The following ANKRD26 variants were observed in gnomAD, a reference collection of about 807,000 sequenced individuals.
ANKRD26 encodes ankyrin repeat domain 26.
ANKRD26 carries 141 observed loss-of-function variants against 208.7 expected under a neutral mutation model. The observed-to-expected ratio is 0.68, with a 90% CI of 0.59 to 0.78. The LOEUF is 0.78. Among genes scored for constraint, ANKRD26 ranks in the 30% least tolerant of loss-of-function variants. The probability of loss-of-function intolerance (pLI) is 0.00; values close to 1 mark genes in which losing one functional copy is unlikely to be tolerated. For missense variants in ANKRD26, 1,889 were observed against 1,938.7 expected (o/e 0.97, Z 0.48); for synonymous variants, 636 against 660.4 (o/e 0.96, Z 0.57).
In ANKRD26 at chr10:27,005,584, T is replaced by C. The variant is rs372479083; in HGVS notation, c.*6A>G. 45 of 1,606,904 alleles carry C rather than the reference T, an allele frequency of 2.8e-5. No homozygotes were observed. In the African/African-American group the frequency reaches 5.1e-4, roughly 18 times the overall value. On this transcript the variant is annotated 3_prime_UTR_variant, in exon 34 of 34. Transcript: ENST00000376087. Reference sequence around the variant, plus strand: ...CATAAACAGCCCAGTAATAAAATCTTATCTTTCAGATCATATAATTTTTCT... The same window carrying C: ...CATAAACAGCCCAGTAATAAAATCTCATCTTTCAGATCATATAATTTTTCT...
chr10:27,066,244 T>TC, intron 11 of ANKRD26: 3 of 316,464 alleles, frequency 9.5e-6, no homozygotes, highest in Non-Finnish European at 1.7e-5. Context: ...CCTTTTCTTT[T>TC]CTTTTTTTTT....
the ANKRD26 span, among the ~76,000 whole-genome samples, chr10:26,963,707 T>C: frequency 0.094 from 14,358 of 152,064 alleles, 1,360 homozygotes; most frequent in East Asian, 0.48. Flanking sequence ...AAGTCCCTAA[T>C]ATAACAGGGC....
At chr10:27,027,377 T>G (rs1377439314) in intron 27 of ANKRD26, among the ~76,000 whole-genome samples, 1 of 152,208 alleles carries the variant, frequency 6.6e-6, no homozygotes, top group East Asian at 1.9e-4. Context: ...AAATTCAGAA[T>G]TGTAGATCAA....
intron 11 of ANKRD26, among the ~76,000 whole-genome samples, chr10:27,064,416 C>T (rs922225547): frequency 1.4e-4 from 22 of 152,236 alleles, no homozygotes; most frequent in Non-Finnish European, 3.2e-4. Flanking sequence ...ACTTTGTATT[C>T]CCCACCAAAA....
rs1026472195 is a variant in ANKRD26, at chr10:27,044,092, C to A, written c.2019+65G>T. The stretch of plus-strand genomic sequence containing the variant: ...TACAGGTGTGAGCCACTGTGCCCAG[C>A]CCACTTTATCTTTTATAATGTATTT... On this transcript the variant is annotated intron_variant, in intron 19 of 33. Coordinates refer to ENST00000376087, the MANE Select transcript of ANKRD26 (RefSeq NM_014915.3). The A allele has an allele frequency of 1.0e-5, 12 of 1,195,382 alleles. No homozygotes were observed. In the Admixed American group the frequency reaches 1.7e-4, roughly 17 times the overall value. 74.0% of individuals were successfully genotyped at this position (1,195,382 alleles called of 1,614,324 possible). A position where few individuals can be genotyped will look rare whatever the true frequency, so the allele number is the denominator to read the frequency against.
rs2054020298 is a variant in ANKRD26 at position 27,035,692 on chromosome 10, C to T, written c.2758G>A (p.Glu920Lys). ...LSHKNSMLQE[E>K]IAMLRLEIDT... ...ATTTCTAGTCTTAGCATAGCAATTT[C>T]TTCCTGCAACATGCTATTTTTATGC... Residue 920 changes from glutamate to lysine, a missense_variant, in exon 24 of 34, where the codon GAA becomes AAA. By Grantham distance (56) the Glu-to-Lys change is moderately conservative. Coordinates refer to ENST00000376087, the MANE Select transcript of ANKRD26 (RefSeq NM_014915.3). The T allele has an allele frequency of 6.2e-7, 1 of 1,602,932 alleles. No homozygotes were observed. The highest frequency in any genetic ancestry group is 8.5e-7 in the Non-Finnish European group (1 of 1,176,792).
chr10:26,966,091 A>G, the ANKRD26 span, among the ~76,000 whole-genome samples: 7 of 152,256 alleles, frequency 4.6e-5, no homozygotes, highest in African/African-American at 1.4e-4. Flanking sequence ...TCAAGGACAT[A>G]GAACCAGAAA....
chr10:26,951,183 A>G, the ANKRD26 span, among the ~76,000 whole-genome samples: 1 of 149,758 alleles, frequency 6.7e-6, no homozygotes, highest in African/African-American at 2.5e-5. Flanking sequence ...GCAGTGATTG[A>G]CAACCTCATA....
intron 3 of ANKRD26, 84 bp from the exon 4 acceptor site, chr10:27,092,596 A>G: frequency 1.0e-6 from 1 of 985,264 alleles, no homozygotes; most frequent in Non-Finnish European, 1.6e-6. Flanking sequence ...GATCCTTTGA[A>G]CTGAAACATA....
In ANKRD26 at chr10:27,014,487, GACTT is replaced by G. The variant is rs754816916; in HGVS notation, c.4724+3_4724+6del. Reference sequence around the variant, plus strand: ...TTTATTTCCTATGATTCTATATTTTGACTTACTTGGTTAGTTTACTTGACAAAGA... The same window carrying G: ...TTTATTTCCTATGATTCTATATTTTGACTTGGTTAGTTTACTTGACAAAGA... On this transcript the variant is annotated splice_donor_5th_base_variant and intron_variant, in intron 31 of 33. Transcript: ENST00000376087. 4 of 1,528,420 alleles carry G rather than the reference GACTT, an allele frequency of 2.6e-6. No individual in the cohort carries two copies. The highest frequency in any genetic ancestry group is 1.7e-5 in the Admixed American group (1 of 58,556). 94.7% of individuals were successfully genotyped at this position (1,528,420 alleles called of 1,614,324 possible). A position where few individuals can be genotyped will look rare whatever the true frequency, so the allele number is the denominator to read the frequency against.
At chr10:27,079,186 T>C (rs559042021) in intron 6 of ANKRD26, 25 bp from the exon 7 acceptor site, 1 of 1,584,726 alleles carries the variant, frequency 6.3e-7, no homozygotes, top group South Asian at 1.1e-5. Flanking sequence ...TATAGAAAAA[T>C]GAGTGAATTC....
At chr10:27,091,643 C>T (rs2056302359) in intron 4 of ANKRD26, among the ~76,000 whole-genome samples, 1 of 152,124 alleles carries the variant, frequency 6.6e-6, no homozygotes, top group Non-Finnish European at 1.5e-5. Context: ...AGGAAAAGTA[C>T]ATAAGCAGAG....
At chr10:26,956,732 C>T in the ANKRD26 span, among the ~76,000 whole-genome samples, 1 of 152,124 alleles carries the variant, frequency 6.6e-6, no homozygotes, top group Non-Finnish European at 1.5e-5. Context: ...TATCAAGGTC[C>T]CTTTACCAAG....
chr10:27,050,608 G>A (rs893453293), intron 16 of ANKRD26, among the ~76,000 whole-genome samples: 4 of 152,094 alleles, frequency 2.6e-5, no homozygotes, highest in African/African-American at 9.7e-5. Context: ...GGGAATATTT[G>A]TTAACAATAC....
intron 29 of ANKRD26, among the ~76,000 whole-genome samples, chr10:27,018,762 G>A (rs1197374610): frequency 6.6e-6 from 1 of 152,108 alleles, no homozygotes; most frequent in Non-Finnish European, 1.5e-5. Context: ...AATAAATAGT[G>A]CTGGGAAAAC....
In ANKRD26 at chr10:27,100,433, G is replaced by C. The variant is rs910801961; in HGVS notation, c.-107C>G. On this transcript the variant is annotated 5_prime_UTR_variant, in exon 1 of 34. Transcript: ENST00000376087. The stretch of plus-strand genomic sequence containing the variant: ...CCCCGGCTGGCCGCAGCCTCCCAAA[G>C]GAAACTCCGCGGTTTCCAATCTCTC... 6.6e-7 allele frequency: 1 copy of C among 1,511,782 alleles called. No homozygotes were observed. The highest frequency in any genetic ancestry group is 8.8e-7 in the Non-Finnish European group (1 of 1,131,464). The allele number at this position is 1,511,782 out of a possible 1,614,324, so 93.6% of individuals were successfully genotyped here. A position where few individuals can be genotyped will look rare whatever the true frequency, so the allele number is the denominator to read the frequency against.
intron 4 of ANKRD26, among the ~76,000 whole-genome samples, chr10:27,087,815 C>T (rs12411584): frequency 0.044 from 6,758 of 152,232 alleles, 261 homozygotes; most frequent in Admixed American, 0.12. Context: ...ACAAGGTATT[C>T]TATCACCCAA....
chr10:26,984,235 C>T (rs2052351305), intron 3 of ANKRD26, among the ~76,000 whole-genome samples: 1 of 152,128 alleles, frequency 6.6e-6, no homozygotes, highest in Non-Finnish European at 1.5e-5. Flanking sequence ...ACACAATAAA[C>T]ACAGGTGTTC....
At chr10:27,054,222 A>T (rs2054763061) in intron 15 of ANKRD26, among the ~76,000 whole-genome samples, 1 of 152,180 alleles carries the variant, frequency 6.6e-6, no homozygotes, top group Admixed American at 6.5e-5. Context: ...TTGTATAAAC[A>T]GTCTTTATCT....
Sources: allele counts gnomAD v4.1 joint callset (sites outside exome capture counted in the v4.1 genomes callset), GRCh38; gene constraint gnomAD v4.1.1; transcripts MANE v1.5; gene names NCBI Gene and HGNC (gene_info 2026-07-23, HGNC 2026-07-21).